SLC24A2: variants seen among roughly 807,000 people sequenced by gnomAD.
The protein encoded by SLC24A2 is solute carrier family 24 member 2.
In SLC24A2, 36 loss-of-function variants were observed where a neutral mutation model predicts 62.0. The ratio of observed to expected loss-of-function variants is 0.58; its 90% CI spans 0.44 to 0.77. SLC24A2 has a LOEUF of 0.77. Among genes scored for constraint, SLC24A2 ranks in the 30% least tolerant of loss-of-function variants. SLC24A2 has a pLI of 0.00. For missense variants in SLC24A2, 846 were observed against 817.9 expected (o/e 1.03, Z -0.42); for synonymous variants, 358 against 294.0 (o/e 1.22, Z -2.23).
intron 2 of SLC24A2, among the ~76,000 whole-genome samples, chr9:19,740,968 A>G (rs916508961): frequency 1.3e-5 from 2 of 152,098 alleles, no homozygotes; most frequent in African/African-American, 4.8e-5. Flanking sequence ...ATTGAATCAC[A>G]GTTTTATTGG....
At chr9:19,987,926 T>C in the SLC24A2 span, among the ~76,000 whole-genome samples, 2 of 152,202 alleles carry the variant, frequency 1.3e-5, no homozygotes. Flanking sequence ...GTTCGTGCCC[T>C]ATAAGCTTAA....
At chr9:20,234,359 T>C in the SLC24A2 span, among the ~76,000 whole-genome samples, 1 of 152,262 alleles carries the variant, frequency 6.6e-6, no homozygotes, top group Non-Finnish European at 1.5e-5. Flanking sequence ...CACTTTCAGA[T>C]ACACCAGTCA....
chr9:19,981,093 A>C, the SLC24A2 span, among the ~76,000 whole-genome samples: 1 of 152,214 alleles, frequency 6.6e-6, no homozygotes, highest in African/African-American at 2.4e-5. Context: ...CAAACCAATA[A>C]GAAAGATGTA....
At chr9:19,662,297 A>G (rs1380017876) in intron 2 of SLC24A2, among the ~76,000 whole-genome samples, 1 of 152,210 alleles carries the variant, frequency 6.6e-6, no homozygotes, top group Non-Finnish European at 1.5e-5. Flanking sequence ...AGCTTTCTGA[A>G]AACCAGAGTG....
chr9:19,809,025 T>C, the SLC24A2 span, among the ~76,000 whole-genome samples: 1 of 152,256 alleles, frequency 6.6e-6, no homozygotes, highest in Admixed American at 6.5e-5. Flanking sequence ...TTCTGAATCT[T>C]ATTTCTGGTC....
At chr9:19,887,784 T>G in the SLC24A2 span, among the ~76,000 whole-genome samples, 2 of 151,686 alleles carry the variant, frequency 1.3e-5, no homozygotes, top group African/African-American at 2.4e-5. Flanking sequence ...AACAAATGAG[T>G]GGATAAAGAA....
chr9:19,642,671 C>CTTTTTTTTTTTT lies in SLC24A2; in HGVS notation c.931-20384_931-20373dup, dbSNP rs71335440. Among the ~76,000 whole-genome samples, 5 of 79,850 alleles carry CTTTTTTTTTTTT rather than the reference C, an allele frequency of 6.3e-5. 2 individuals are homozygous for CTTTTTTTTTTTT. The highest frequency in any genetic ancestry group is 2.5e-5 in the Non-Finnish European group (1 of 40,580). The allele number at this position is 79,850 out of a possible 152,430, so 52.4% of individuals were successfully genotyped here. ...AGAATGGTTTATATGAGAGCGTATT[C>CTTTTTTTTTTTT]TTTTTTTTTTTTTTTTTTTTTTTTT... On this transcript the variant is annotated intron_variant, in intron 2 of 10. Transcript: ENST00000341998.
intron 7 of SLC24A2, among the ~76,000 whole-genome samples, chr9:19,551,227 CAT>C (rs757662057): frequency 1.6e-4 from 25 of 152,226 alleles, no homozygotes; most frequent in Non-Finnish European, 4.4e-5. Context: ...CTTATGCAAA[CAT>C]ATGTCTCAGT....
the SLC24A2 span, among the ~76,000 whole-genome samples, chr9:19,907,078 T>A: frequency 6.6e-6 from 1 of 152,178 alleles, no homozygotes; most frequent in East Asian, 1.9e-4. Context: ...AAATCCTCAA[T>A]AAAATACTGG....
At chr9:19,955,377 G>GTT in the SLC24A2 span, among the ~76,000 whole-genome samples, 1,697 of 143,328 alleles carry the variant, frequency 0.012, 22 homozygotes, top group African/African-American at 0.025. Context: ...AAATTCTCAG[G>GTT]TTTTTTTTTT....
the SLC24A2 span, among the ~76,000 whole-genome samples, chr9:20,288,532 G>T: frequency 6.6e-6 from 1 of 152,246 alleles, no homozygotes. Context: ...ATCTTGGGAG[G>T]CTAAGGCAGG....
chr9:20,219,619 G>C, the SLC24A2 span, among the ~76,000 whole-genome samples: 3 of 152,156 alleles, frequency 2.0e-5, no homozygotes, highest in Admixed American at 2.0e-4. Flanking sequence ...ATCAACAGTA[G>C]CTCTTCCTCA....
At chr9:19,930,097 T>G in the SLC24A2 span, among the ~76,000 whole-genome samples, 2 of 152,150 alleles carry the variant, frequency 1.3e-5, no homozygotes, top group Admixed American at 6.5e-5. Flanking sequence ...GAAGAAAAAT[T>G]GTTTATACAT....
the SLC24A2 span, among the ~76,000 whole-genome samples, chr9:20,241,078 G>A: frequency 6.6e-6 from 1 of 152,228 alleles, no homozygotes; most frequent in Non-Finnish European, 1.5e-5. Context: ...TAATGAAGAT[G>A]TGATATGAAA....
the SLC24A2 span, among the ~76,000 whole-genome samples, chr9:20,264,087 GC>G: frequency 6.6e-6 from 1 of 152,026 alleles, no homozygotes; most frequent in Admixed American, 6.6e-5. Flanking sequence ...AGCCCTGAGG[GC>G]CCCCATCCCA....
chr9:19,876,365 CGTGTGTGTGTGTGTGTGTGTGTGT>C, the SLC24A2 span, among the ~76,000 whole-genome samples: 1 of 145,524 alleles, frequency 6.9e-6, no homozygotes, highest in African/African-American at 2.5e-5. Context: ...TTATTGAAGG[CGTGTGTGTGTGTGTGTGTGTGTGT>C]GTGTGTGTGT....
intron 8 of SLC24A2, among the ~76,000 whole-genome samples, chr9:19,545,521 T>C (rs976442897): frequency 6.6e-6 from 1 of 152,132 alleles, no homozygotes; most frequent in African/African-American, 2.4e-5. Context: ...TTTTGGAATT[T>C]TCAGCCTTTT....
chr9:20,232,993 C>T, the SLC24A2 span, among the ~76,000 whole-genome samples: 1 of 152,166 alleles, frequency 6.6e-6, no homozygotes, highest in East Asian at 1.9e-4. Flanking sequence ...ACCCAGTAGT[C>T]ATTCAGGAGC....
At chr9:19,522,635 A>T (rs1374006935) in intron 9 of SLC24A2, among the ~76,000 whole-genome samples, 1 of 152,130 alleles carries the variant, frequency 6.6e-6, no homozygotes, top group Admixed American at 6.5e-5. Flanking sequence ...GGGACACAGA[A>T]TCACTGCTCC....
Sources: allele counts gnomAD v4.1 joint callset (sites outside exome capture counted in the v4.1 genomes callset), GRCh38; gene constraint gnomAD v4.1.1; transcripts MANE v1.5; gene names NCBI Gene and HGNC (gene_info 2026-07-23, HGNC 2026-07-21).